The following CFAP206 variants were observed in gnomAD, a reference collection of about 807,000 sequenced individuals.
CFAP206 encodes the protein cilia- and flagella-associated protein 206.
CFAP206 carries 53 observed loss-of-function variants against 65.4 expected under a neutral mutation model. The observed-to-expected ratio is 0.81, with a 90% confidence interval of 0.65 to 1.02. The LOEUF is 1.02. Among genes scored for constraint, CFAP206 ranks in the 50% least tolerant of loss-of-function variants. CFAP206 has a pLI of 0.00. For synonymous variants in CFAP206, 250 were observed against 254.4 expected, an observed-to-expected ratio of 0.98 and a Z score of 0.17; for missense variants, 663 against 753.2, an observed-to-expected ratio of 0.88 and a Z score of 1.40.
chr6:87,416,068 C>T (rs1253420006), intron 5 of CFAP206, among the ~76,000 whole-genome samples, 194 bp downstream of exon 5: 3 of 151,918 alleles, frequency 2.0e-5, no homozygotes, highest in Non-Finnish European at 4.4e-5. Context: ...ACTCAAGTAG[C>T]ACCTCTAGAA....
intron 4 of CFAP206, among the ~76,000 whole-genome samples, chr6:87,414,843 A>C (rs893813042): frequency 6.6e-6 from 1 of 152,240 alleles, no homozygotes. Flanking sequence ...CTTAATAGTG[A>C]AATTTTAAAG....
chr6:87,454,001 T>C (rs976382079), intron 11 of CFAP206, among the ~76,000 whole-genome samples: 1 of 152,120 alleles, frequency 6.6e-6, no homozygotes, highest in Non-Finnish European at 1.5e-5. Flanking sequence ...GAAATGCACT[T>C]CACCTATAAA....
intron 11 of CFAP206, among the ~76,000 whole-genome samples, chr6:87,438,676 T>C (rs1171259480): frequency 6.6e-6 from 1 of 152,132 alleles, no homozygotes; most frequent in Non-Finnish European, 1.5e-5. Context: ...CCTTCCTTCA[T>C]GGCCGTCCCT....
intron 7 of CFAP206, among the ~76,000 whole-genome samples, chr6:87,423,306 T>C (rs948188633): frequency 1.3e-5 from 2 of 151,644 alleles, no homozygotes; most frequent in Non-Finnish European, 2.9e-5. Flanking sequence ...TGGGGTGCAG[T>C]GGCGTGATCT....
Position 87,464,097 on chromosome 6 carries a change from G to A in CFAP206, c.1716G>A (p.Val572=). 6.2e-7 allele frequency: 1 copy of A among 1,614,144 alleles called. No homozygotes were observed. Among genetic ancestry groups the A allele is most frequent in the Non-Finnish European group, 8.5e-7 (1 of 1,180,020 alleles). The change falls in exon 13 of 13, where the codon GTG becomes GTA. Residue 572 remains valine, a synonymous_variant. Transcript: ENST00000369562. The part of the protein sequence containing the change: ...SHLRRENCSQ[V]YPPKDTSTQS... Reference sequence around the variant, plus strand: ...TGAGAAGAGAAAATTGTTCCCAAGTGTACCCTCCAAAGGACACTAGCACCC... The same window carrying A: ...TGAGAAGAGAAAATTGTTCCCAAGTATACCCTCCAAAGGACACTAGCACCC...
intron 10 of CFAP206, among the ~76,000 whole-genome samples, chr6:87,432,990 C>A (rs773426096): frequency 2.0e-5 from 3 of 152,194 alleles, no homozygotes; most frequent in Non-Finnish European, 4.4e-5. Flanking sequence ...AATCCTTTTC[C>A]GATGACTTCA....
Position 87,413,814 on chromosome 6 carries a change from G to A in CFAP206, c.197G>A (p.Cys66Tyr), listed in dbSNP as rs142290940. ...KSDVQNLVKLCMTRLLDTKNP... is the reference protein window; with the variant it reads ...KSDVQNLVKLYMTRLLDTKNP... The stretch of plus-strand genomic sequence containing the variant: ...TCATGGGACATTCTTTTCTAGCTTT[G>A]TATGACTCGGCTATTGGATACTAAA... Residue 66 changes from cysteine to tyrosine, a missense_variant, in exon 4 of 13, where the codon TGT becomes TAT. Cys to Tyr is a radical substitution (Grantham distance 194). Coordinates refer to ENST00000369562, the MANE Select transcript of CFAP206 (RefSeq NM_001031743.3). 4.2e-3 allele frequency: 6,506 copies of A among 1,552,384 alleles called. 32 individuals carry two copies. The highest frequency in any genetic ancestry group is 4.8e-3 in the Non-Finnish European group (5,520 of 1,148,654).
chr6:87,429,425 G>T (rs1323589286), intron 9 of CFAP206, among the ~76,000 whole-genome samples: 1 of 152,074 alleles, frequency 6.6e-6, no homozygotes, highest in Non-Finnish European at 1.5e-5. Context: ...TTGGAGAAAA[G>T]AATATTAATC....
intron 12 of CFAP206, 61 bp downstream of exon 12, chr6:87,461,226 CAT>C (rs760140382): frequency 8.8e-6 from 10 of 1,130,592 alleles, no homozygotes; most frequent in African/African-American, 1.7e-5. Context: ...TATTGTTACT[CAT>C]AGAGTTGGTA....
intron 11 of CFAP206, among the ~76,000 whole-genome samples, chr6:87,449,689 T>C (rs1365373002): frequency 6.6e-6 from 1 of 152,170 alleles, no homozygotes; most frequent in Non-Finnish European, 1.5e-5. Context: ...TTTTGTTTTG[T>C]TTTTGCTGAG....
At chr6:87,438,460 CAAA>C (rs757336468) in intron 11 of CFAP206, among the ~76,000 whole-genome samples, 7 of 111,000 alleles carry the variant, frequency 6.3e-5, no homozygotes, top group South Asian at 2.9e-4. Context: ...ACTCTTGTCT[CAAA>C]AAAAAAAAAA....
intron 11 of CFAP206, among the ~76,000 whole-genome samples, chr6:87,438,420 C>A (rs1409968022): frequency 2.1e-5 from 3 of 145,946 alleles, no homozygotes; most frequent in African/African-American, 7.6e-5. Context: ...GAGATTGCAT[C>A]ACTCCACTCC....
At chr6:87,449,290 A>T (rs1768501155) in intron 11 of CFAP206, among the ~76,000 whole-genome samples, 1 of 152,076 alleles carries the variant, frequency 6.6e-6, no homozygotes, top group Non-Finnish European at 1.5e-5. Flanking sequence ...ACAAAAAATT[A>T]GCCAGGTGTG....
chr6:87,428,884 C>A, intron 9 of CFAP206, 60 bp downstream of exon 9: 1 of 1,430,228 alleles, frequency 7.0e-7, no homozygotes. Flanking sequence ...AATAAAGTCA[C>A]TCTTTTGTTC....
chr6:87,431,570 A>G (rs1394959332), intron 10 of CFAP206, among the ~76,000 whole-genome samples: 1 of 152,204 alleles, frequency 6.6e-6, no homozygotes, highest in East Asian at 1.9e-4. Context: ...GTTGGAGATC[A>G]GCCTGGCCAA....
intron 11 of CFAP206, among the ~76,000 whole-genome samples, chr6:87,437,976 A>C (rs1446507987): frequency 6.6e-6 from 1 of 151,620 alleles, no homozygotes; most frequent in Admixed American, 6.6e-5. Context: ...GAGCCACCAC[A>C]TCCAGCCCAT....
intron 12 of CFAP206, 70 bp from the exon 13 acceptor site, chr6:87,463,950 G>A (rs1768783164): frequency 3.4e-6 from 4 of 1,187,226 alleles, no homozygotes; most frequent in African/African-American, 3.0e-5. Flanking sequence ...ATATTAACTG[G>A]TATCTGATAA....
At chr6:87,447,003 G>A (rs555300403) in intron 11 of CFAP206, among the ~76,000 whole-genome samples, 10 of 152,088 alleles carry the variant, frequency 6.6e-5, no homozygotes, top group South Asian at 2.1e-4. Flanking sequence ...CTTGCCTGTC[G>A]TTGGTGTATA....
intron 11 of CFAP206, among the ~76,000 whole-genome samples, chr6:87,458,186 G>T (rs558375289): frequency 6.6e-6 from 1 of 152,244 alleles, no homozygotes; most frequent in Non-Finnish European, 1.5e-5. Flanking sequence ...TGCCGGTGAG[G>T]ATATGGAGAA....
Sources: gnomAD v4.1 joint callset for allele counts (sites outside exome capture counted in the v4.1 genomes callset) on GRCh38, gnomAD v4.1.1 for gene constraint, MANE v1.5 for transcripts, NCBI Gene and HGNC (gene_info 2026-07-23, HGNC 2026-07-21) for gene names.